SCN11A: variants seen among roughly 807,000 people sequenced by gnomAD.
SCN11A encodes sodium voltage-gated channel alpha subunit 11.
In SCN11A, 122 loss-of-function variants were observed where a neutral mutation model predicts 162.2. That is an observed-to-expected ratio of 0.75 (90% confidence interval 0.65 to 0.87). The LOEUF (loss-of-function observed/expected upper bound fraction) is 0.87, where lower values mean the gene tolerates loss of function less well. SCN11A is among the 40% of genes least tolerant of loss of function. SCN11A has a pLI of 0.00. For synonymous variants in SCN11A, 758 were observed against 751.5 expected (o/e 1.01, Z -0.14); for missense variants, 2,015 against 2,181.6 (o/e 0.92, Z 1.52).
intron 19 of SCN11A, among the ~76,000 whole-genome samples, chr3:38,888,633 C>T (rs1296137195): frequency 2.0e-5 from 3 of 152,176 alleles, no homozygotes; most frequent in East Asian, 1.9e-4. Context: ...TCTCTGCGGA[C>T]GTTCTCCCTA....
intron 19 of SCN11A, among the ~76,000 whole-genome samples, chr3:38,891,043 C>T (rs750650681): frequency 2.0e-5 from 3 of 151,082 alleles, no homozygotes; most frequent in Admixed American, 6.6e-5. Flanking sequence ...CAGGGGAAAA[C>T]AGTCAGTAAC....
chr3:38,871,352 A>G, intron 25 of SCN11A, 93 bp downstream of exon 25: 1 of 1,248,862 alleles, frequency 8.0e-7, no homozygotes, highest in East Asian at 2.4e-5. Flanking sequence ...TATTATCACA[A>G]TGGAGTCACT....
chr3:39,002,819 G>A (rs115081643), intron 2 of SCN11A, among the ~76,000 whole-genome samples: 96 of 152,274 alleles, frequency 6.3e-4, no homozygotes, highest in African/African-American at 1.9e-3. Flanking sequence ...ACATACTTGC[G>A]TTAGCCTGCT....
At chr3:38,903,774 G>T in intron 16 of SCN11A, 91 bp downstream of exon 16, 1 of 984,562 alleles carries the variant, frequency 1.0e-6, no homozygotes, top group Non-Finnish European at 1.5e-6. Flanking sequence ...ACCTAGGTTA[G>T]GTTAGCTCAT....
chr3:38,925,279 C>A, intron 9 of SCN11A, 136 bp downstream of exon 9: 24 of 607,064 alleles, frequency 4.0e-5, no homozygotes, highest in East Asian at 1.5e-4. Context: ...CAATAATTAT[C>A]AGTTGGACCA....
At chr3:38,936,516 G>C (rs959735213) in intron 7 of SCN11A, among the ~76,000 whole-genome samples, 2 of 151,652 alleles carry the variant, frequency 1.3e-5, no homozygotes, top group African/African-American at 4.9e-5. Flanking sequence ...AGCAACTTCA[G>C]CAAAGTCTTC....
chr3:38,872,067 G>A, intron 24 of SCN11A, 126 bp downstream of exon 24: 2 of 713,306 alleles, frequency 2.8e-6, no homozygotes, highest in Non-Finnish European at 5.1e-6. Context: ...TCTAAGCACT[G>A]GGCAGGCTGG....
intron 9 of SCN11A, among the ~76,000 whole-genome samples, chr3:38,921,537 T>C (rs950092572): frequency 1.3e-5 from 2 of 152,154 alleles, no homozygotes; most frequent in Non-Finnish European, 2.9e-5. Context: ...AGGCTTTGAA[T>C]AGAAACATGC....
chr3:38,960,855 A>T (rs1203194721), intron 2 of SCN11A, among the ~76,000 whole-genome samples: 1 of 152,178 alleles, frequency 6.6e-6, no homozygotes, highest in Non-Finnish European at 1.5e-5. Context: ...GACCTAGAAA[A>T]ATATTGATAA....
At chr3:38,896,423 A>G (rs545079042) in intron 18 of SCN11A, among the ~76,000 whole-genome samples, 4 of 152,338 alleles carry the variant, frequency 2.6e-5, no homozygotes, top group African/African-American at 9.6e-5. Context: ...TCCAGGGGTC[A>G]CAGTCATAAA....
At chr3:38,956,116 G>A (rs570511855) in intron 3 of SCN11A, among the ~76,000 whole-genome samples, 150 of 152,072 alleles carry the variant, frequency 9.9e-4, no homozygotes, top group African/African-American at 3.4e-3. Flanking sequence ...GTGGTGGTGC[G>A]TGCCTGTAAT....
intron 2 of SCN11A, among the ~76,000 whole-genome samples, chr3:38,960,960 C>T (rs1190994572): frequency 1.3e-5 from 2 of 152,208 alleles, no homozygotes; most frequent in Non-Finnish European, 2.9e-5. Flanking sequence ...AAAACTCCCC[C>T]AAGTAAGCTC....
At chr3:38,883,435 G>T (rs199928609) in intron 21 of SCN11A, 48 bp from the exon 22 acceptor site, 2 of 1,545,326 alleles carry the variant, frequency 1.3e-6, no homozygotes, top group Admixed American at 1.8e-5. Context: ...GTAATAAACT[G>T]CATTAAAATG....
In SCN11A at chr3:38,967,639, C is replaced by T. The variant is rs187322954; in HGVS notation, c.-279-7216G>A. Among the ~76,000 whole-genome samples the T allele has an allele frequency of 3.3e-5, 5 of 152,346 alleles. No homozygotes were observed. The East Asian group carries it at 7.7e-4, about 24-fold the overall frequency. On this transcript the variant is annotated intron_variant, in intron 2 of 29. Transcript: ENST00000302328. ...CAAGGCAGACTCTTGAGGTGGGATG[C>T]TGTCAGTATGCAAGGGAACTGTCCA...
At chr3:38,979,100 C>T (rs1008220081) in intron 2 of SCN11A, among the ~76,000 whole-genome samples, 6 of 152,216 alleles carry the variant, frequency 3.9e-5, no homozygotes, top group Non-Finnish European at 8.8e-5. Flanking sequence ...TGATTAGCCT[C>T]TGTTATGTAA....
chr3:38,968,036 G>T (rs13072568), intron 2 of SCN11A, among the ~76,000 whole-genome samples: 24,777 of 152,170 alleles, frequency 0.16, 2,438 homozygotes, highest in African/African-American at 0.27. Context: ...GAGAACAGGG[G>T]TGTCACACAG....
Position 39,051,906 on chromosome 3 carries a change from A to T in SCN11A, c.-449T>A. Reference sequence around the variant, plus strand: ...CACACAGCAACTAACAGCACCGAGGAAACACAACAGCCTGTTTACCTTCAG... The same window carrying T: ...CACACAGCAACTAACAGCACCGAGGTAACACAACAGCCTGTTTACCTTCAG... On this transcript the variant is annotated 5_prime_UTR_variant, in exon 1 of 30. Coordinates refer to ENST00000302328, the MANE Select transcript of SCN11A (RefSeq NM_001349253.2). 1.6e-6 allele frequency: 2 copies of T among 1,263,812 alleles called. No individual in the cohort carries two copies. The highest frequency in any genetic ancestry group is 2.6e-5 in the South Asian group (2 of 78,044). 78.3% of individuals were successfully genotyped at this position (1,263,812 alleles called of 1,614,324 possible). A position where few individuals can be genotyped will look rare whatever the true frequency, so the allele number is the denominator to read the frequency against.
intron 22 of SCN11A, among the ~76,000 whole-genome samples, chr3:38,880,770 A>T (rs1013478594): frequency 8.5e-5 from 13 of 152,206 alleles, no homozygotes; most frequent in African/African-American, 2.7e-4. Context: ...TGTAATTATG[A>T]AAAAGAGATC....
chr3:38,928,417 T>C (rs747751010), intron 7 of SCN11A, among the ~76,000 whole-genome samples: 3 of 152,126 alleles, frequency 2.0e-5, no homozygotes, highest in Non-Finnish European at 2.9e-5. Context: ...AAATACCTAA[T>C]GCATGTGGGG....
Sources: gnomAD v4.1 joint callset for allele counts (sites outside exome capture counted in the v4.1 genomes callset) on GRCh38, gnomAD v4.1.1 for gene constraint, MANE v1.5 for transcripts, NCBI Gene and HGNC (gene_info 2026-07-23, HGNC 2026-07-21) for gene names.